Variants in UBAC2 observed in about 807,000 individuals in gnomAD.
The protein encoded by UBAC2 is ubiquitin-associated domain-containing protein 2.
Under a neutral mutation model 44.0 loss-of-function variants are expected in UBAC2, and 26 were observed. The observed-to-expected ratio is 0.59, with a 90% CI of 0.43 to 0.82. The LOEUF (loss-of-function observed/expected upper bound fraction) is 0.82. Ranked by LOEUF, UBAC2 falls within the 40% of genes least tolerant of loss-of-function variation. UBAC2 has a pLI of 0.00. For missense variants in UBAC2, 329 were observed against 419.4 expected, an observed-to-expected ratio of 0.78 and a Z score of 1.88; for synonymous variants, 155 against 154.3, an observed-to-expected ratio of 1.00 and a Z score of -0.04.
intron 7 of UBAC2, among the ~76,000 whole-genome samples, chr13:99,362,955 C>T (rs947657945): frequency 1.3e-5 from 2 of 152,192 alleles, no homozygotes; most frequent in Non-Finnish European, 2.9e-5. Flanking sequence ...TTTTAGATAT[C>T]CTTTCCTATC....
rs558054220 is a variant in UBAC2 at position 99,307,723 on chromosome 13, A to T, written c.390-6374A>T. ...TAAACCTTAACCAAAAAAAAGACCA[A>T]GTTACTGATGATTTTATATTGATTT... On this transcript the variant is annotated intron_variant, in intron 4 of 8. Transcript: ENST00000403766. Among the ~76,000 whole-genome samples, 48 of 152,354 alleles carry T rather than the reference A, an allele frequency of 3.2e-4. 1 individual carries two copies. The South Asian group carries it at 9.7e-3, about 31-fold the overall frequency.
intron 1 of UBAC2, among the ~76,000 whole-genome samples, chr13:99,229,896 T>C (rs2043153552): frequency 1.3e-5 from 2 of 152,224 alleles, no homozygotes; most frequent in South Asian, 2.1e-4. Context: ...TGTAAGAAAC[T>C]TACCAGGAGC....
intron 4 of UBAC2, among the ~76,000 whole-genome samples, chr13:99,291,892 A>G (rs1376370118): frequency 1.3e-5 from 2 of 152,200 alleles, no homozygotes; most frequent in Non-Finnish European, 2.9e-5. Context: ...AGGACCTTCA[A>G]TGTGTAGGTT....
At chr13:99,238,687 C>A in intron 2 of UBAC2, 133 bp downstream of exon 2, 1 of 793,244 alleles carries the variant, frequency 1.3e-6, no homozygotes, top group South Asian at 4.3e-5. Context: ...ATTAATATTT[C>A]ATTAAGTAAC....
intron 4 of UBAC2, among the ~76,000 whole-genome samples, chr13:99,310,984 A>G (rs2044404516): frequency 6.6e-6 from 1 of 152,246 alleles, no homozygotes; most frequent in Non-Finnish European, 1.5e-5. Flanking sequence ...ATATGAAACC[A>G]TGTGTTTTAA....
chr13:99,357,155 AC>A (rs1294197254), intron 7 of UBAC2, among the ~76,000 whole-genome samples: 3 of 152,342 alleles, frequency 2.0e-5, no homozygotes, highest in Admixed American at 1.3e-4. Flanking sequence ...CCATTGTGTT[AC>A]AGCTGCCTCC....
At chr13:99,344,912 A>G (rs2044950568) in intron 7 of UBAC2, among the ~76,000 whole-genome samples, 1 of 152,218 alleles carries the variant, frequency 6.6e-6, no homozygotes, top group Non-Finnish European at 1.5e-5. Context: ...AACTTCAGGG[A>G]GCTCAGGCAG....
chr13:99,232,421 T>TATATATATATATA (rs61314371), intron 1 of UBAC2, among the ~76,000 whole-genome samples: 39 of 139,762 alleles, frequency 2.8e-4, no homozygotes, highest in Non-Finnish European at 4.2e-4. Context: ...TATATATATA[T>TATATATATATATA]TCACACACAC....
At chr13:99,320,391 A>C (rs2044552280) in intron 6 of UBAC2, among the ~76,000 whole-genome samples, 1 of 152,204 alleles carries the variant, frequency 6.6e-6, no homozygotes, top group South Asian at 2.1e-4. Context: ...AGAAGGGTGA[A>C]TAGAATTACA....
chr13:99,203,189 A>G (rs2142631096), intron 1 of UBAC2, among the ~76,000 whole-genome samples: 2 of 152,186 alleles, frequency 1.3e-5, no homozygotes, highest in Admixed American at 1.3e-4. Context: ...GGTGCCCACC[A>G]TCACACCTGG....
At chr13:99,306,200 T>A (rs2044331963) in intron 4 of UBAC2, among the ~76,000 whole-genome samples, 1 of 152,192 alleles carries the variant, frequency 6.6e-6, no homozygotes, top group African/African-American at 2.4e-5. Context: ...CCAGCCTGAT[T>A]CAGGGTCTTT....
chr13:99,255,793 A>C (rs776130635), intron 4 of UBAC2: 9 of 1,612,690 alleles, frequency 5.6e-6, no homozygotes, highest in Non-Finnish European at 7.6e-6. Flanking sequence ...GCTATAGAAG[A>C]CAAGGGCTGC....
chr13:99,264,830 G>A (rs1045967728), intron 4 of UBAC2, among the ~76,000 whole-genome samples: 23 of 152,294 alleles, frequency 1.5e-4, no homozygotes, highest in African/African-American at 4.8e-4. Context: ...GCCTGAATGC[G>A]TCCAGGATGC....
chr13:99,368,682 TG>T (rs1489421443), intron 8 of UBAC2, among the ~76,000 whole-genome samples: 13 of 119,144 alleles, frequency 1.1e-4, no homozygotes, highest in Non-Finnish European at 2.1e-4. Flanking sequence ...CGTAAACTCA[TG>T]AGAGAGTGTG....
At chr13:99,366,853 G>A (rs533509297) in intron 7 of UBAC2, among the ~76,000 whole-genome samples, 77 of 152,222 alleles carry the variant, frequency 5.1e-4, no homozygotes, top group African/African-American at 1.8e-3. Context: ...TTGTTCCTGA[G>A]GCCTTGCAAC....
intron 1 of UBAC2, among the ~76,000 whole-genome samples, chr13:99,216,858 C>A (rs2043002083): frequency 7.5e-6 from 1 of 133,136 alleles, no homozygotes; most frequent in Non-Finnish European, 1.6e-5. Flanking sequence ...GAGACGAAGT[C>A]TTGCCCTTGT....
intron 1 of UBAC2, among the ~76,000 whole-genome samples, chr13:99,235,295 T>C (rs544747762): frequency 2.0e-5 from 3 of 152,238 alleles, no homozygotes; most frequent in African/African-American, 4.8e-5. Flanking sequence ...CATAAAAAAA[T>C]GAAAGGGTAT....
chr13:99,209,088 G>A (rs918667299), intron 1 of UBAC2, among the ~76,000 whole-genome samples: 8 of 152,232 alleles, frequency 5.3e-5, no homozygotes, highest in Non-Finnish European at 1.0e-4. Flanking sequence ...TGCCCTGGCT[G>A]TGCATGTGGG....
chr13:99,213,093 TATATAC>T (rs762835836), intron 1 of UBAC2, among the ~76,000 whole-genome samples: 8 of 152,226 alleles, frequency 5.3e-5, no homozygotes, highest in South Asian at 2.1e-4. Flanking sequence ...CTGACGCATG[TATATAC>T]ATATACATAT....
Sources: gnomAD v4.1 joint callset for allele counts (sites outside exome capture counted in the v4.1 genomes callset) on GRCh38, gnomAD v4.1.1 for gene constraint, MANE v1.5 for transcripts, NCBI Gene and HGNC (gene_info 2026-07-23, HGNC 2026-07-21) for gene names.